PLPP2: variants seen among roughly 807,000 people sequenced by gnomAD.
PLPP2 encodes phospholipid phosphatase 2.
Under a neutral mutation model 35.2 loss-of-function variants are expected in PLPP2, and 29 were observed. The observed-to-expected ratio is 0.82, with a 90% CI of 0.61 to 1.12. The LOEUF (loss-of-function observed/expected upper bound fraction) is 1.12, where lower values mean the gene tolerates loss of function less well. Among genes scored for constraint, PLPP2 ranks in the 50% most tolerant of loss-of-function variants. The probability of loss-of-function intolerance (pLI) is 0.00; values close to 1 mark genes in which losing one functional copy is unlikely to be tolerated. For synonymous variants in PLPP2, 162 were observed against 167.0 expected (o/e 0.97, Z 0.23); for missense variants, 353 against 375.2 (o/e 0.94, Z 0.49).
At chr19:282,108 G>C (rs779831914) in intron 5 of PLPP2, 26 bp downstream of exon 5, 1 of 1,611,526 alleles carries the variant, frequency 6.2e-7, no homozygotes, top group South Asian at 1.1e-5. Context: ...ACAACACAGG[G>C]GATAGAGTTA....
rs570517928 is a variant in PLPP2, at chr19:287,942, C to T, written c.204+78G>A. Reference sequence around the variant, plus strand: ...GACCTCCAGGGCAGGGCTGTGCCACCCCCCCATCAGGCCCCCAGGGTAAAG... The same window carrying T: ...GACCTCCAGGGCAGGGCTGTGCCACTCCCCCATCAGGCCCCCAGGGTAAAG... On this transcript the variant is annotated intron_variant, in intron 2 of 5. Coordinates refer to ENST00000434325, the MANE Select transcript of PLPP2 (RefSeq NM_003712.4). This position sits in a 1 kb window ranked among gnomAD's most constrained non-coding sequence, Gnocchi z 4.3. 2.5e-5 allele frequency: 38 copies of T among 1,549,340 alleles called. No homozygotes were observed. The highest frequency in any genetic ancestry group is 3.0e-5 in the Non-Finnish European group (34 of 1,144,152).
rs574463256 is a variant in PLPP2, at chr19:281,240, G to T, written c.*148C>A. ...AGACTCCTGGTCCAGTGCAGGGCAG[G>T]GGGCAGCGGAGCCCGCTCACTGCTC... On this transcript the variant is annotated 3_prime_UTR_variant, in exon 6 of 6. Coordinates refer to ENST00000434325, the MANE Select transcript of PLPP2 (RefSeq NM_003712.4). The T allele has an allele frequency of 1.1e-5, 8 of 734,462 alleles. No homozygotes were observed. The South Asian group carries it at 5.4e-4, about 49-fold the overall frequency. The allele number at this position is 734,462 out of a possible 1,614,324, so 45.5% of individuals were successfully genotyped here.
intron 1 of PLPP2, 183 bp downstream of exon 1, chr19:291,102 G>C: frequency 7.4e-7 from 1 of 1,342,726 alleles, no homozygotes. Flanking sequence ...CCCCGAGCCT[G>C]GGAGGGCGCG....
intron 3 of PLPP2, chr19:284,913 C>T (rs1325987163): frequency 1.3e-5 from 2 of 152,140 alleles, no homozygotes; most frequent in East Asian, 1.9e-4. Flanking sequence ...GTCGGGAGTT[C>T]GAGACCAGCC....
intron 1 of PLPP2, chr19:291,061 C>A: frequency 7.7e-7 from 1 of 1,299,470 alleles, no homozygotes. Context: ...CTCTCGCGAC[C>A]CCCATCCCCC....
rs959107251 is a variant in PLPP2 at position 282,791 on chromosome 19, T to G, written c.501A>C (p.Gly167=). 1 of 1,613,140 alleles carries G rather than the reference T, an allele frequency of 6.2e-7. No homozygotes were observed. The highest frequency in any genetic ancestry group is 1.3e-5 in the African/African-American group (1 of 74,636). The part of the protein sequence containing the change: ...VTEARLSFYS[G]HSSFGMYCMV... ...TGCAGTACATCCCAAAGGAAGAGTG[T>G]CCCGAGTAGAAAGACAACCTGAGGA... Residue 167 remains glycine, a synonymous_variant, in exon 4 of 6, where the codon GGA becomes GGC. Transcript: ENST00000434325.
chr19:283,143 C>T (rs1217383352), intron 3 of PLPP2: 4 of 258,790 alleles, frequency 1.5e-5, no homozygotes, highest in African/African-American at 8.9e-5. Flanking sequence ...ATCTGCGGAA[C>T]TGAGGGAAGA....
In PLPP2 at chr19:282,314, G is replaced by A. The variant is rs1458075098; in HGVS notation, c.541-4C>T. The A allele has an allele frequency of 1.1e-5, 18 of 1,612,994 alleles. No individual in the cohort carries two copies. Among genetic ancestry groups the A allele is most frequent in the Non-Finnish European group, 1.4e-5 (17 of 1,179,604 alleles). ...AGAGTCGTGCCTGCACATACAGCTG[G>A]AGTGGGGAGAGGACGTGTTAGCCTG... On this transcript the variant is annotated splice_polypyrimidine_tract_variant and splice_region_variant and intron_variant, in intron 4 of 5. Transcript: ENST00000434325.
Position 287,114 on chromosome 19 carries a change from C to A in PLPP2, c.482+360G>T. 1.0e-5 allele frequency: 2 copies of A among 197,410 alleles called. No individual in the cohort carries two copies. Among genetic ancestry groups the A allele is most frequent in the South Asian group, 1.2e-4 (1 of 8,136 alleles). 12.2% of individuals were successfully genotyped at this position (197,410 alleles called of 1,614,324 possible). A position where few individuals can be genotyped will look rare whatever the true frequency, so the allele number is the denominator to read the frequency against. On this transcript the variant is annotated intron_variant, in intron 3 of 5. Coordinates refer to ENST00000434325, the MANE Select transcript of PLPP2 (RefSeq NM_003712.4). The surrounding 1 kb of genome is among the most constrained non-coding windows in gnomAD (Gnocchi z 4.3). ...ATGCAAACAATAACAAAAAGAGAAC[C>A]AGAATAGCTATGTTAATATCAGACA...
At chr19:291,040 G>A (rs1403614616) in intron 1 of PLPP2, 1 of 1,280,346 alleles carries the variant, frequency 7.8e-7, no homozygotes, top group Non-Finnish European at 9.8e-7. Context: ...GCTGGCCCCG[G>A]CTCCCCGGGC....
Position 288,149 on chromosome 19 carries a change from C to G in PLPP2, c.75G>C (p.Leu25=), listed in dbSNP as rs534780618. ...GCTTGTACGGGGCGTTCACCAGCGT[C>G]AGGATAGCGAAGGGCAGGGAGGCTG... is the stretch of plus-strand genomic sequence containing the variant. ...LLVASLPFAI[L]TLVNAPYKRG... Residue 25 remains leucine (L), a synonymous_variant, in exon 2 of 6, where the codon CTG becomes CTC. Coordinates refer to ENST00000434325, the MANE Select transcript of PLPP2 (RefSeq NM_003712.4). The G allele has an allele frequency of 1.1e-5, 17 of 1,598,942 alleles. No homozygotes were observed. The highest frequency in any genetic ancestry group is 1.5e-5 in the Non-Finnish European group (17 of 1,169,916).
chr19:287,521 C>CT lies in PLPP2; in HGVS notation c.434dup (p.Leu146AlafsTer11). 1 of 1,613,652 alleles carries CT rather than the reference C, an allele frequency of 6.2e-7. No individual in the cohort carries two copies. The highest frequency in any genetic ancestry group is 8.5e-7 in the Non-Finnish European group (1 of 1,179,970). On this transcript the variant is annotated frameshift_variant, in exon 3 of 6. Transcript: ENST00000434325. LOFTEE classifies it high-confidence loss of function. The surrounding 1 kb of genome is among the most constrained non-coding windows in gnomAD (Gnocchi z 4.3). ...GGTTTCCCCTGCACACCTTCTCCAG[C>CT]TGCACATAGACCGAGCAGTTGACCC...
Position 291,310 on chromosome 19 carries a change from C to T in PLPP2, c.27G>A (p.Leu9=). The T allele has an allele frequency of 1.2e-6, 2 of 1,600,892 alleles. No individual in the cohort carries two copies. Among genetic ancestry groups the T allele is most frequent in the South Asian group, 1.1e-5 (1 of 89,584 alleles). The stretch of plus-strand genomic sequence containing the variant: ...CGACCAGTAAGCACAGCACGTCGAG[C>T]AGCACGAAGACCCACCTCCGCTGCA... MQRRWVFV[L]LDVLCLLVAS... Residue 9 remains leucine (L), a synonymous_variant, in exon 1 of 6, where the codon CTG becomes CTA. Transcript: ENST00000434325.
chr19:291,380 G>C lies in PLPP2; in HGVS notation c.-44C>G. 1 of 1,566,498 alleles carries C rather than the reference G, an allele frequency of 6.4e-7. No homozygotes were observed. Among genetic ancestry groups the C allele is most frequent in the Non-Finnish European group, 8.6e-7 (1 of 1,157,412 alleles). ...CGCCGGTCCCAGCGCGTCCCGTCGC[G>C]TCCCGGCCCGGCCGCGGAGTCACGT... is the stretch of plus-strand genomic sequence containing the variant. On this transcript the variant is annotated 5_prime_UTR_variant, in exon 1 of 6. Transcript: ENST00000434325.
intron 4 of PLPP2, 96 bp from the exon 5 acceptor site, chr19:282,406 C>T (rs1189793523): frequency 2.7e-6 from 2 of 739,770 alleles, no homozygotes; most frequent in Admixed American, 4.3e-5. Context: ...CCAGGCGCTC[C>T]CCCTCCCCCT....
In PLPP2 at chr19:288,169, A is replaced by AG; in HGVS notation, c.54dup (p.Ser19LeufsTer23). 1 of 1,572,846 alleles carries AG rather than the reference A, an allele frequency of 6.4e-7. No individual in the cohort carries two copies. Among genetic ancestry groups the AG allele is most frequent in the Middle Eastern group, 1.7e-4 (1 of 5,850 alleles). On this transcript the variant is annotated frameshift_variant and splice_region_variant, in exon 2 of 6. Transcript: ENST00000434325. LOFTEE classifies it high-confidence loss of function. ...AGCGTCAGGATAGCGAAGGGCAGGG[A>AG]GGCTGGTGGGGAAGAAAAGCCTGGG...
At position 287,549 on chromosome 19, in the gene PLPP2, C is replaced by T. The variant is rs759123900; in HGVS notation, c.407G>A (p.Ser136Asn). 3 of 1,613,664 alleles carry T rather than the reference C, an allele frequency of 1.9e-6. No individual in the cohort carries two copies. The highest frequency in any genetic ancestry group is 2.2e-5 in the East Asian group (1 of 44,894). Residue 136 changes from serine (S) to asparagine (N), a missense_variant, in exon 3 of 6, where the codon AGC (serine) becomes AAC (asparagine). Coordinates refer to ENST00000434325, the MANE Select transcript of PLPP2 (RefSeq NM_003712.4). This position sits in a 1 kb window ranked among gnomAD's most constrained non-coding sequence, Gnocchi z 4.3. ...CACATAGACCGAGCAGTTGACCCGG[C>T]TCCAGTCGGGGTCGCAGACGGCTAG... ...NFLAVCDPDWSRVNCSVYVQL... is the reference protein window; with the variant it reads ...NFLAVCDPDWNRVNCSVYVQL...
At chr19:290,980 G>C in intron 1 of PLPP2, 1 of 1,216,588 alleles carries the variant, frequency 8.2e-7, no homozygotes, top group Non-Finnish European at 1.0e-6. Context: ...CGGGATGGAG[G>C]CGCGCGCGCG....
chr19:281,572 G>T, intron 5 of PLPP2, 35 bp from the exon 6 acceptor site: 1 of 1,438,604 alleles, frequency 7.0e-7, no homozygotes, highest in African/African-American at 1.4e-5. Context: ...ATGGGCAGGG[G>T]GCTGTCCAGG....
Sources: allele counts gnomAD v4.1 joint callset, GRCh38; gene constraint gnomAD v4.1.1; non-coding constraint Gnocchi (gnomAD v3.1); transcripts MANE v1.5; gene names NCBI Gene and HGNC (gene_info 2026-07-23, HGNC 2026-07-21).